Variants in ZMIZ2 observed in about 807,000 individuals in gnomAD.
The protein encoded by ZMIZ2 is zinc finger MIZ-type containing 2.
ZMIZ2 carries 26 observed loss-of-function variants against 93.9 expected under a neutral mutation model. That is an observed-to-expected ratio of 0.28 (90% confidence interval 0.20 to 0.38). ZMIZ2 has a LOEUF of 0.38. Ranked by LOEUF, ZMIZ2 falls within the 10% of genes least tolerant of loss-of-function variation. ZMIZ2 has a pLI of 1.00. For missense variants in ZMIZ2, 1,023 were observed against 1,235.0 expected (o/e 0.83, Z 2.57); for synonymous variants, 485 against 516.4 (o/e 0.94, Z 0.82).
intron 1 of ZMIZ2, among the ~76,000 whole-genome samples, chr7:44,750,421 G>A (rs920669352): frequency 2.6e-5 from 4 of 152,076 alleles, no homozygotes; most frequent in Non-Finnish European, 5.9e-5. Flanking sequence ...CAAGGACCCC[G>A]CTCCTGCAAC....
chr7:44,751,003 A>G (rs1790094020), intron 1 of ZMIZ2: 2 of 152,228 alleles, frequency 1.3e-5, no homozygotes, highest in African/African-American at 4.8e-5. Context: ...AGACCTGGAG[A>G]CTGGAAGTCT....
chr7:44,761,817 A>G lies in ZMIZ2; in HGVS notation c.1508A>G (p.Asn503Ser). ...ATPLTIERGD[N>S]KTSHKPLYLK... is the part of the protein sequence containing the mutation. ...CCGCTCACCATCGAGCGTGGCGACA[A>G]CAAGACCTCGCACAAGCCACTCTAC... The change falls in exon 11 of 19, where the codon AAC (asparagine) becomes AGC (serine). Residue 503 changes from asparagine to serine, a missense_variant. Asn to Ser is a conservative substitution (Grantham distance 46, BLOSUM62 1). Coordinates refer to ENST00000309315, the MANE Select transcript of ZMIZ2 (RefSeq NM_031449.4). This position sits in a 1 kb window ranked among gnomAD's most constrained non-coding sequence, Gnocchi z 5.8. 1.2e-6 allele frequency: 2 copies of G among 1,613,722 alleles called. No individual in the cohort carries two copies. Among genetic ancestry groups the G allele is most frequent in the South Asian group, 1.1e-5 (1 of 91,090 alleles).
Position 44,761,838 on chromosome 7 carries a change from T to C in ZMIZ2, c.1529T>C (p.Leu510Pro). ...RGDNKTSHKP[L>P]YLKHVCQPGR... ...GACAACAAGACCTCGCACAAGCCACTCTACCTGAAGCATGTGTGCCAGCCA... is the reference window on the plus strand; with the variant it reads ...GACAACAAGACCTCGCACAAGCCACCCTACCTGAAGCATGTGTGCCAGCCA... The change falls in exon 11 of 19, where the codon CTC (leucine) becomes CCC (proline). Residue 510 changes from leucine to proline, a missense_variant. Transcript: ENST00000309315. This position sits in a 1 kb window ranked among gnomAD's most constrained non-coding sequence, Gnocchi z 5.8. The C allele has an allele frequency of 6.2e-7, 1 of 1,614,066 alleles. No homozygotes were observed. The highest frequency in any genetic ancestry group is 8.5e-7 in the Non-Finnish European group (1 of 1,180,040).
rs1409459896 is a variant in ZMIZ2, at chr7:44,768,259, G to A, written c.*636G>A. On this transcript the variant is annotated 3_prime_UTR_variant, in exon 19 of 19. Transcript: ENST00000309315. ...GCTACAAAGCACAACAATGTACATA[G>A]TGTAGAAACACTAACAGCTGGGAGA... 6.5e-6 allele frequency: 1 copy of A among 154,508 alleles called. No individual in the cohort carries two copies. Among genetic ancestry groups the A allele is most frequent in the Admixed American group, 6.4e-5 (1 of 15,520 alleles). The allele number at this position is 154,508 out of a possible 1,614,324, so 9.6% of individuals were successfully genotyped here. A position where few individuals can be genotyped will look rare whatever the true frequency, so the allele number is the denominator to read the frequency against.
Position 44,765,094 on chromosome 7 carries a change from T to A in ZMIZ2, c.1997+85T>A, listed in dbSNP as rs1049900662. The A allele has an allele frequency of 6.4e-7, 1 of 1,568,002 alleles. No individual in the cohort carries two copies. The highest frequency in any genetic ancestry group is 1.3e-5 in the African/African-American group (1 of 74,184). On this transcript the variant is annotated intron_variant, in intron 15 of 18. Transcript: ENST00000309315. The surrounding 1 kb of genome is among the most constrained non-coding windows in gnomAD (Gnocchi z 4.1). ...ATGTCGGGGGATGTCCCTTGCCAAG[T>A]GCAGCCTTCCAGCCTTTTTCCGGCA... is the stretch of plus-strand genomic sequence containing the variant.
Position 44,761,413 on chromosome 7 carries a change from G to A in ZMIZ2, c.1241-36G>A, listed in dbSNP as rs1380489627. ...AGTGACACAAGACGCTCTGGCTGGG[G>A]CAACCCAGCTCACAGCCAGTGGCCT... On this transcript the variant is annotated intron_variant, in intron 9 of 18. Transcript: ENST00000309315. The surrounding 1 kb of genome is among the most constrained non-coding windows in gnomAD (Gnocchi z 5.8). 4.4e-6 allele frequency: 7 copies of A among 1,604,902 alleles called. No individual in the cohort carries two copies. Among genetic ancestry groups the A allele is most frequent in the Non-Finnish European group, 5.9e-6 (7 of 1,177,896 alleles).
chr7:44,767,974 C>T lies in ZMIZ2; in HGVS notation c.*351C>T. 2.7e-6 allele frequency: 1 copy of T among 365,256 alleles called. No homozygotes were observed. The highest frequency in any genetic ancestry group is 5.2e-6 in the Non-Finnish European group (1 of 191,822). 22.6% of individuals were successfully genotyped at this position (365,256 alleles called of 1,614,324 possible). A position where few individuals can be genotyped will look rare whatever the true frequency, so the allele number is the denominator to read the frequency against. The stretch of plus-strand genomic sequence containing the variant: ...CACCTTGTCCTTCCACCCCTGCCTG[C>T]CCCCACCCAGCCTGCTTCTTGTCCA... On this transcript the variant is annotated 3_prime_UTR_variant, in exon 19 of 19. Transcript: ENST00000309315.
chr7:44,757,492 C>T lies in ZMIZ2; in HGVS notation c.483C>T (p.Thr161=), dbSNP rs765371713. ...AAVAAAAATA[T]ATATATVAAL... ...TGGCTGCTGCGGCAGCCACTGCCAC[C>T]GCCACAGCCACAGCCACCGTGGCTG... Residue 161 remains threonine, a synonymous_variant, in exon 5 of 19, where the codon ACC becomes ACT. Transcript: ENST00000309315. The T allele has an allele frequency of 4.0e-5, 65 of 1,606,970 alleles. No homozygotes were observed. Among genetic ancestry groups the T allele is most frequent in the Admixed American group, 5.0e-5 (3 of 59,826 alleles).
At chr7:44,752,201 C>T (rs1019886405) in intron 1 of ZMIZ2, among the ~76,000 whole-genome samples, 1 of 150,988 alleles carries the variant, frequency 6.6e-6, no homozygotes, top group African/African-American at 2.4e-5. Context: ...GCGATCGGCT[C>T]ACTGCAACCT....
chr7:44,748,907 G>T lies in ZMIZ2; in HGVS notation c.-147G>T, dbSNP rs2116541064. The T allele has an allele frequency of 6.8e-6, 1 of 147,854 alleles. No individual in the cohort carries two copies. The highest frequency in any genetic ancestry group is 6.8e-5 in the Admixed American group (1 of 14,798). The allele number at this position is 147,854 out of a possible 1,614,324, so 9.2% of individuals were successfully genotyped here. On this transcript the variant is annotated 5_prime_UTR_variant, in exon 1 of 19. Transcript: ENST00000309315. ...CGGGTGGCGGCGGCCCCGGGGCGGC[G>T]GGCGGCGCGGAGGGCGGGCTGAGCG...
At chr7:44,762,626 G>A (rs1791316702) in intron 11 of ZMIZ2, among the ~76,000 whole-genome samples, 1 of 152,220 alleles carries the variant, frequency 6.6e-6, no homozygotes, top group African/African-American at 2.4e-5. Context: ...TGGTTAGACC[G>A]GCAGGATGCC....
Position 44,761,386 on chromosome 7 carries a change from T to C in ZMIZ2, c.1241-63T>C, listed in dbSNP as rs1455452947. The C allele has an allele frequency of 1.9e-6, 3 of 1,577,728 alleles. No individual in the cohort carries two copies. The South Asian group carries it at 3.4e-5, about 18-fold the overall frequency. On this transcript the variant is annotated intron_variant, in intron 9 of 18. Coordinates refer to ENST00000309315, the MANE Select transcript of ZMIZ2 (RefSeq NM_031449.4). This position sits in a 1 kb window ranked among gnomAD's most constrained non-coding sequence, Gnocchi z 5.8. The stretch of plus-strand genomic sequence containing the variant: ...GTGGCTGGGGAGCCGCTGCCCTCCT[T>C]GAGTGACACAAGACGCTCTGGCTGG...
intron 1 of ZMIZ2, among the ~76,000 whole-genome samples, chr7:44,750,144 T>C (rs558260130): frequency 1.3e-5 from 2 of 152,170 alleles, no homozygotes; most frequent in Non-Finnish European, 2.9e-5. Flanking sequence ...CAAGGGCTGA[T>C]GACATGAAGG....
chr7:44,767,796 G>A lies in ZMIZ2; in HGVS notation c.*173G>A. On this transcript the variant is annotated 3_prime_UTR_variant, in exon 19 of 19. Coordinates refer to ENST00000309315, the MANE Select transcript of ZMIZ2 (RefSeq NM_031449.4). ...CTGCCCCTGAATTGGAAGCAGCCCT[G>A]TGCTCGATGGGAGGGGCTCCCAGGC... is the stretch of plus-strand genomic sequence containing the variant. The A allele has an allele frequency of 1.6e-6, 1 of 631,706 alleles. No homozygotes were observed. The highest frequency in any genetic ancestry group is 2.8e-6 in the Non-Finnish European group (1 of 359,694). The allele number at this position is 631,706 out of a possible 1,614,324, so 39.1% of individuals were successfully genotyped here. A position where few individuals can be genotyped will look rare whatever the true frequency, so the allele number is the denominator to read the frequency against.
intron 3 of ZMIZ2, 65 bp downstream of exon 3, chr7:44,756,604 T>A: frequency 6.5e-7 from 1 of 1,535,510 alleles, no homozygotes; most frequent in Non-Finnish European, 9.0e-7. Flanking sequence ...CAGTGCTTAG[T>A]GCCTCCTCAG....
rs1562745890 is a variant in ZMIZ2, at chr7:44,764,925, C to T, written c.1929-16C>T. 2 of 1,613,806 alleles carry T rather than the reference C, an allele frequency of 1.2e-6. No homozygotes were observed. The highest frequency in any genetic ancestry group is 2.7e-5 in the African/African-American group (2 of 75,048). On this transcript the variant is annotated splice_polypyrimidine_tract_variant and intron_variant, in intron 14 of 18. Transcript: ENST00000309315. ...TGTGCAAGGTCTCTGAGCTGTGTCC[C>T]TTTTTTTCCCCACAGCAAGACAGCT...
chr7:44,755,264 C>A (rs571771256), intron 1 of ZMIZ2, among the ~76,000 whole-genome samples: 1 of 152,310 alleles, frequency 6.6e-6, no homozygotes, highest in South Asian at 2.1e-4. Context: ...TCTCCCCAGC[C>A]CCTTTCTTAG....
At chr7:44,757,776 C>A in intron 5 of ZMIZ2, 72 bp from the exon 6 acceptor site, 1 of 713,898 alleles carries the variant, frequency 1.4e-6, no homozygotes, top group South Asian at 3.5e-5. Flanking sequence ...GGTGGGTGGG[C>A]GGGTTTTATG....
At position 44,768,488 on chromosome 7, in the gene ZMIZ2, C is replaced by G. The variant is rs868377334; in HGVS notation, c.*865C>G. ...TCTAGCGGGCTGCGCTCCCAAGTTCCCCTTCTCTGTGAAAGTGAAGAATTA... is the reference window on the plus strand; with the variant it reads ...TCTAGCGGGCTGCGCTCCCAAGTTCGCCTTCTCTGTGAAAGTGAAGAATTA... On this transcript the variant is annotated 3_prime_UTR_variant, in exon 19 of 19. Coordinates refer to ENST00000309315, the MANE Select transcript of ZMIZ2 (RefSeq NM_031449.4). 6.6e-6 allele frequency: 1 copy of G among 152,292 alleles called. No individual in the cohort carries two copies. Among genetic ancestry groups the G allele is most frequent in the Non-Finnish European group, 1.5e-5 (1 of 68,110 alleles). 9.4% of individuals were successfully genotyped at this position (152,292 alleles called of 1,614,324 possible).
Sources: gnomAD v4.1 joint callset for allele counts (sites outside exome capture counted in the v4.1 genomes callset) on GRCh38, gnomAD v4.1.1 for gene constraint, Gnocchi (gnomAD v3.1) non-coding constraint, MANE v1.5 for transcripts, NCBI Gene and HGNC (gene_info 2026-07-23, HGNC 2026-07-21) for gene names.